MEGF11: variants seen among roughly 807,000 people sequenced by gnomAD.
MEGF11 encodes the protein multiple EGF like domains 11, also known as multiple epidermal growth factor-like domains protein 11.
In MEGF11, 126 loss-of-function variants were observed where a neutral mutation model predicts 146.6. The ratio of observed to expected loss-of-function variants is 0.86; its 90% CI spans 0.74 to 1.00. The LOEUF (loss-of-function observed/expected upper bound fraction) is 1.00. Among genes scored for constraint, MEGF11 ranks in the 50% least tolerant of loss-of-function variants. The pLI, the probability that MEGF11 is intolerant of heterozygous loss-of-function variation, is 0.00. For missense variants in MEGF11, 1,509 were observed against 1,521.2 expected (o/e 0.99, Z 0.13); for synonymous variants, 532 against 583.4 (o/e 0.91, Z 1.27).
intron 5 of MEGF11, among the ~76,000 whole-genome samples, chr15:65,989,850 G>A (rs2081976441): frequency 6.6e-6 from 1 of 152,200 alleles, no homozygotes; most frequent in Admixed American, 6.5e-5. Context: ...AATGGGAGGG[G>A]GGAATTTAGG....
At chr15:66,240,506 C>G (rs1259621048) in intron 1 of MEGF11, among the ~76,000 whole-genome samples, 1 of 152,204 alleles carries the variant, frequency 6.6e-6, no homozygotes, top group Non-Finnish European at 1.5e-5. Context: ...CCTGGAACCT[C>G]TGTTTTCTAA....
intron 10 of MEGF11, among the ~76,000 whole-genome samples, chr15:65,945,721 C>T (rs1041341333): frequency 1.3e-5 from 2 of 152,196 alleles, no homozygotes; most frequent in African/African-American, 4.8e-5. Flanking sequence ...CTCCCCTGAG[C>T]TGCCTGACAG....
chr15:66,114,891 G>A (rs1481453023), intron 4 of MEGF11, among the ~76,000 whole-genome samples: 1 of 152,218 alleles, frequency 6.6e-6, no homozygotes, highest in Non-Finnish European at 1.5e-5. Flanking sequence ...GTGCCCCCCT[G>A]CATCTGTATT....
chr15:66,008,111 C>A (rs865955774), intron 5 of MEGF11, among the ~76,000 whole-genome samples: 1 of 152,150 alleles, frequency 6.6e-6, no homozygotes. Context: ...GTTGAGGTAA[C>A]AGGAACCACA....
At chr15:65,923,010 T>C in intron 13 of MEGF11, 41 bp from the exon 14 acceptor site, 3 of 1,597,244 alleles carry the variant, frequency 1.9e-6, no homozygotes, top group Non-Finnish European at 2.6e-6. Context: ...GTAAGAGAGG[T>C]GAGGATGAAG....
intron 5 of MEGF11, among the ~76,000 whole-genome samples, chr15:66,024,429 C>G (rs771172791): frequency 3.9e-5 from 6 of 152,254 alleles, no homozygotes; most frequent in Non-Finnish European, 7.3e-5. Context: ...AAAGAAATGA[C>G]TTTCCCAAAG....
At chr15:65,948,882 T>C (rs2080292709) in intron 10 of MEGF11, among the ~76,000 whole-genome samples, 1 of 152,142 alleles carries the variant, frequency 6.6e-6, no homozygotes, top group African/African-American at 2.4e-5. Context: ...TTTTGCAGTG[T>C]TTGTACTCCT....
At chr15:66,065,532 G>C (rs2085086974) in intron 5 of MEGF11, among the ~76,000 whole-genome samples, 1 of 152,124 alleles carries the variant, frequency 6.6e-6, no homozygotes, top group African/African-American at 2.4e-5. Flanking sequence ...CCCTTGTGGA[G>C]ACTCAGACCA....
intron 4 of MEGF11, among the ~76,000 whole-genome samples, chr15:66,096,290 G>A (rs1418444975): frequency 6.6e-6 from 1 of 152,240 alleles, no homozygotes; most frequent in African/African-American, 2.4e-5. Flanking sequence ...GGTCTCTGCC[G>A]AGGGCGGTGA....
chr15:66,033,752 T>C (rs1201159406), intron 5 of MEGF11, among the ~76,000 whole-genome samples: 3 of 152,038 alleles, frequency 2.0e-5, no homozygotes, highest in Admixed American at 6.6e-5. Context: ...AGACCAAATA[T>C]AATTTTCCCT....
intron 4 of MEGF11, among the ~76,000 whole-genome samples, chr15:66,105,810 C>T (rs1218823736): frequency 6.6e-6 from 1 of 152,206 alleles, no homozygotes; most frequent in Non-Finnish European, 1.5e-5. Context: ...CAGGCCTCCG[C>T]AGTTTGTTTG....
intron 1 of MEGF11, among the ~76,000 whole-genome samples, chr15:66,142,197 C>T (rs1435821646): frequency 6.6e-6 from 1 of 152,196 alleles, no homozygotes; most frequent in Admixed American, 6.5e-5. Flanking sequence ...ACTCTAACAG[C>T]TTAAAAAGTG....
At chr15:66,104,791 C>T (rs377485710) in intron 4 of MEGF11, among the ~76,000 whole-genome samples, 4 of 152,148 alleles carry the variant, frequency 2.6e-5, no homozygotes, top group African/African-American at 9.7e-5. Flanking sequence ...CAGGTCAGGG[C>T]GCACATCTAA....
At chr15:66,201,928 C>T (rs2091169240) in intron 1 of MEGF11, among the ~76,000 whole-genome samples, 1 of 111,722 alleles carries the variant, frequency 9.0e-6, no homozygotes, top group Admixed American at 1.3e-4. Context: ...GTCTGGGCGA[C>T]AGAGCAAGAC....
intron 5 of MEGF11, among the ~76,000 whole-genome samples, chr15:66,029,466 C>T (rs1304284250): frequency 6.6e-6 from 1 of 152,218 alleles, no homozygotes; most frequent in East Asian, 1.9e-4. Flanking sequence ...ACCTGCTGGC[C>T]TGGCATAATT....
chr15:66,049,741 C>A (rs1597029878), intron 5 of MEGF11, among the ~76,000 whole-genome samples: 1 of 152,140 alleles, frequency 6.6e-6, no homozygotes, highest in African/African-American at 2.4e-5. Flanking sequence ...AGAGTGGCAA[C>A]TGGGATGGGG....
chr15:66,088,204 A>T (rs1158455161), intron 5 of MEGF11, among the ~76,000 whole-genome samples: 1 of 152,248 alleles, frequency 6.6e-6, no homozygotes, highest in Non-Finnish European at 1.5e-5. Context: ...AACAAAAAAA[A>T]GTCCAGGAGC....
At position 65,955,823 on chromosome 15, in the gene MEGF11, A is replaced by AATATATATAAATATATATATAT. The variant is rs71139451; in HGVS notation, c.1287+1723_1287+1724insATATATATATATTTATATATAT. 4.6e-3 allele frequency among the ~76,000 whole-genome samples: 184 copies of AATATATATAAATATATATATAT among 40,184 alleles called. 10 individuals are homozygous for AATATATATAAATATATATATAT. The highest frequency in any genetic ancestry group is 0.012 in the Middle Eastern group (1 of 86). 26.4% of individuals were successfully genotyped at this position (40,184 alleles called of 152,430 possible). Reference sequence around the variant, plus strand: ...ACACACACACACACACAATACTTTAAATATATAACATGTAATCAATATAAC... The same window carrying AATATATATAAATATATATATAT: ...ACACACACACACACACAATACTTTAAATATATATAAATATATATATATATATATAACATGTAATCAATATAAC... On this transcript the variant is annotated intron_variant, in intron 10 of 25. Transcript: ENST00000395614.
chr15:65,950,789 G>A (rs1358959501), intron 10 of MEGF11, among the ~76,000 whole-genome samples: 1 of 152,232 alleles, frequency 6.6e-6, no homozygotes, highest in Admixed American at 6.5e-5. Flanking sequence ...TCATGCCACT[G>A]CTCAAAGAAT....
Sources: gnomAD v4.1 joint callset for allele counts (sites outside exome capture counted in the v4.1 genomes callset) on GRCh38, gnomAD v4.1.1 for gene constraint, MANE v1.5 for transcripts, NCBI Gene and HGNC (gene_info 2026-07-23, HGNC 2026-07-21) for gene names.